Variants in RASGEF1B observed in about 807,000 individuals in gnomAD.
RASGEF1B encodes RasGEF domain family member 1B.
Under a neutral mutation model 65.7 loss-of-function variants are expected in RASGEF1B, and 30 were observed. The observed-to-expected ratio is 0.46, with a 90% CI of 0.34 to 0.62. The LOEUF (loss-of-function observed/expected upper bound fraction) is 0.62, where lower values mean the gene tolerates loss of function less well. Among genes scored for constraint, RASGEF1B ranks in the 20% least tolerant of loss-of-function variants. RASGEF1B has a pLI of 0.01. For synonymous variants in RASGEF1B, 175 were observed against 194.8 expected (o/e 0.90, Z 0.85); for missense variants, 495 against 580.1 (o/e 0.85, Z 1.51).
intron 4 of RASGEF1B, among the ~76,000 whole-genome samples, chr4:81,450,386 GAC>G (rs915163613): frequency 1.5e-5 from 2 of 137,574 alleles, no homozygotes; most frequent in Admixed American, 6.8e-5. Flanking sequence ...GACTGACTGA[GAC>G]AGAGTCTCAC....
At chr4:81,432,547 G>A (rs920318322) in intron 12 of RASGEF1B, among the ~76,000 whole-genome samples, 176 bp from the exon 13 acceptor site, 3 of 152,066 alleles carry the variant, frequency 2.0e-5, no homozygotes, top group African/African-American at 7.2e-5. Context: ...CTTTGCCTCT[G>A]ACTGACCATC....
chr4:81,458,368 A>G (rs1002822910), intron 2 of RASGEF1B, among the ~76,000 whole-genome samples: 2 of 152,198 alleles, frequency 1.3e-5, no homozygotes, highest in African/African-American at 4.8e-5. Flanking sequence ...ACAGGGCTGA[A>G]CAAGGGATTC....
intron 4 of RASGEF1B, among the ~76,000 whole-genome samples, chr4:81,450,533 T>TTTGTTGTTG (rs3044364): frequency 2.0e-5 from 3 of 150,858 alleles, no homozygotes; most frequent in African/African-American, 7.4e-5. Context: ...ACCCAGCTAA[T>TTTGTTGTTG]TTGTTGTTGT....
At chr4:81,439,453 A>T (rs1276156954) in intron 10 of RASGEF1B, among the ~76,000 whole-genome samples, 1 of 152,158 alleles carries the variant, frequency 6.6e-6, no homozygotes, top group Non-Finnish European at 1.5e-5. Context: ...CACAACTGAG[A>T]TATTTTGGAG....
chr4:81,432,762 A>T (rs1271411402), intron 12 of RASGEF1B, among the ~76,000 whole-genome samples: 2 of 152,052 alleles, frequency 1.3e-5, no homozygotes, highest in African/African-American at 4.8e-5. Flanking sequence ...ACTCTTTACT[A>T]GGTAAAAAGC....
rs776294126 is a variant in RASGEF1B at position 81,432,375 on chromosome 4, CA to C, written c.1325-5del. 3 of 1,592,796 alleles carry C rather than the reference CA, an allele frequency of 1.9e-6. No homozygotes were observed. The highest frequency in any genetic ancestry group is 3.4e-5 in the Admixed American group (2 of 59,664). On this transcript the variant is annotated splice_polypyrimidine_tract_variant and splice_region_variant and intron_variant, in intron 12 of 13. Transcript: ENST00000264400. ...TCATAAGAAGCCAAGTAGAGAGCTA[CA>C]ATCAAACAAAAGAAAGTGCATTAAC...
chr4:81,457,040 A>T (rs143550554), intron 3 of RASGEF1B, among the ~76,000 whole-genome samples: 252 of 152,104 alleles, frequency 1.7e-3, no homozygotes, highest in African/African-American at 5.9e-3. Flanking sequence ...TATTTTTGAG[A>T]CAGAGTCTCA....
Position 81,459,338 on chromosome 4 carries a change from A to T in RASGEF1B, c.171T>A (p.Tyr57Ter). Residue 57 changes from tyrosine to a stop codon, truncating the protein, a stop_gained, in exon 2 of 14, where the codon TAT (tyrosine) becomes TAA (stop). Coordinates refer to ENST00000264400, the MANE Select transcript of RASGEF1B (RefSeq NM_152545.3). LOFTEE classifies it high-confidence loss of function. ...IQHLVPNVDY[Y>*]PDRTYIFTFL... ...GAGAAACATGAATACCTACATCTGG[A>T]TAGTAATCCACATTAGGTACTAAGT... The T allele has an allele frequency of 6.3e-7, 1 of 1,589,648 alleles. No homozygotes were observed. The highest frequency in any genetic ancestry group is 8.5e-7 in the Non-Finnish European group (1 of 1,171,530).
At chr4:81,452,683 G>A (rs1040885512) in intron 4 of RASGEF1B, 1 of 152,108 alleles carries the variant, frequency 6.6e-6, no homozygotes, top group African/African-American at 2.4e-5. Flanking sequence ...TACTAAATAT[G>A]TACTTATTCT....
In RASGEF1B at chr4:81,466,770, AAAAGAAAGAAAGAAAGAAAGAAAGAAAG is replaced by A. The variant is rs1553947087; in HGVS notation, c.-7+4972_-7+4999del. Among the ~76,000 whole-genome samples the A allele has an allele frequency of 2.5e-4, 9 of 36,096 alleles. No homozygotes were observed. In the East Asian group the frequency reaches 6.5e-3, roughly 26 times the overall value. The allele number at this position is 36,096 out of a possible 152,430, so 23.7% of individuals were successfully genotyped here. A position where few individuals can be genotyped will look rare whatever the true frequency, so the allele number is the denominator to read the frequency against. ...CAAGCCTCCATGTCAAAAAAAAAAA[AAAAGAAAGAAAGAAAGAAAGAAAGAAAG>A]AAAGAAAGAAAGAAAGAAAGAAAGA... On this transcript the variant is annotated intron_variant, in intron 1 of 13. Coordinates refer to ENST00000264400, the MANE Select transcript of RASGEF1B (RefSeq NM_152545.3).
intron 2 of RASGEF1B, 101 bp downstream of exon 2, chr4:81,459,231 G>A (rs1299858202): frequency 3.4e-6 from 3 of 884,286 alleles, no homozygotes; most frequent in East Asian, 5.5e-5. Flanking sequence ...AAAATTCTTA[G>A]CAACCTAGAT....
chr4:81,468,770 T>A (rs1722932245), intron 1 of RASGEF1B, among the ~76,000 whole-genome samples: 1 of 152,226 alleles, frequency 6.6e-6, no homozygotes, highest in South Asian at 2.1e-4. Flanking sequence ...TGTCCCTTCA[T>A]TAGTCCACCT....
Position 81,456,660 on chromosome 4 carries a change from A to G in RASGEF1B, c.429T>C (p.Ser143=). 6.2e-7 allele frequency: 1 copy of G among 1,614,206 alleles called. No homozygotes were observed. Among genetic ancestry groups the G allele is most frequent in the Non-Finnish European group, 8.5e-7 (1 of 1,180,006 alleles). Residue 143 remains serine (S), a synonymous_variant, in exon 4 of 14, where the codon AGT becomes AGC. Transcript: ENST00000264400. ...NLKDLAHRIA[S]GEEQTYRKNV... ...AATTCAGGTTACCAACCTCTTCGCCACTGGCTATTCGGTGAGCCAGATCTT... is the reference window on the plus strand; with the variant it reads ...AATTCAGGTTACCAACCTCTTCGCCGCTGGCTATTCGGTGAGCCAGATCTT...
chr4:81,466,748 G>C (rs1722823669), intron 1 of RASGEF1B, among the ~76,000 whole-genome samples: 1 of 42,000 alleles, frequency 2.4e-5, no homozygotes, highest in Non-Finnish European at 4.5e-5. Context: ...GACAGAGCAA[G>C]CCTCCATGTC....
rs568558518 is a variant in RASGEF1B, at chr4:81,460,474, G to A, written c.-6-960C>T. On this transcript the variant is annotated intron_variant, in intron 1 of 13. Coordinates refer to ENST00000264400, the MANE Select transcript of RASGEF1B (RefSeq NM_152545.3). ...GAAGGGGAGCCATACTCCAAGCTACGGACTGACAGGGACAGGGTGTGTGGA... is the reference window on the plus strand; with the variant it reads ...GAAGGGGAGCCATACTCCAAGCTACAGACTGACAGGGACAGGGTGTGTGGA... Among the ~76,000 whole-genome samples, 60 of 152,278 alleles carry A rather than the reference G, an allele frequency of 3.9e-4. 2 individuals carry two copies. In the South Asian group the frequency reaches 0.012, roughly 31 times the overall value.
intron 1 of RASGEF1B, among the ~76,000 whole-genome samples, chr4:81,465,342 T>G (rs1414072087): frequency 6.6e-6 from 1 of 152,132 alleles, no homozygotes; most frequent in East Asian, 1.9e-4. Context: ...GCCACCATAA[T>G]TAGCATATAG....
chr4:81,434,514 TG>T (rs1002906621), intron 11 of RASGEF1B, 124 bp downstream of exon 11: 2 of 690,232 alleles, frequency 2.9e-6, no homozygotes, highest in African/African-American at 3.6e-5. Context: ...CAAAATAATA[TG>T]GAAAGAGATA....
chr4:81,440,354 TACCCCCATA>T (rs898512243), intron 10 of RASGEF1B, among the ~76,000 whole-genome samples: 3 of 152,318 alleles, frequency 2.0e-5, no homozygotes, highest in Non-Finnish European at 4.4e-5. Context: ...CTTTTTCTGC[TACCCCCATA>T]ATCCAATTAG....
chr4:81,447,206 C>T (rs546101586), intron 6 of RASGEF1B, among the ~76,000 whole-genome samples: 5 of 152,198 alleles, frequency 3.3e-5, no homozygotes, highest in Admixed American at 6.5e-5. Context: ...ATTATGCTTT[C>T]GTCTCCTATT....
Sources: allele counts gnomAD v4.1 joint callset (sites outside exome capture counted in the v4.1 genomes callset), GRCh38; gene constraint gnomAD v4.1.1; transcripts MANE v1.5; gene names NCBI Gene and HGNC (gene_info 2026-07-23, HGNC 2026-07-21).